DOK3: variants seen among roughly 807,000 people sequenced by gnomAD.
DOK3 encodes docking protein 3, also known as Dok-like protein.
Under a neutral mutation model 26.2 loss-of-function variants are expected in DOK3, and 23 were observed. The ratio of observed to expected loss-of-function variants is 0.88; its 90% CI spans 0.63 to 1.24. The LOEUF is 1.24. Ranked by LOEUF, DOK3 falls within the 50% of genes most tolerant of loss-of-function variation. DOK3 has a pLI of 0.00. For missense variants in DOK3, 619 were observed against 610.6 expected, an observed-to-expected ratio of 1.01 and a Z score of -0.15; for synonymous variants, 268 against 268.2, an observed-to-expected ratio of 1.00 and a Z score of 0.01.
chr5:177,502,806 A>G lies in DOK3; in HGVS notation c.*1177T>C. 1 of 520,002 alleles carries G rather than the reference A, an allele frequency of 1.9e-6. No individual in the cohort carries two copies. The highest frequency in any genetic ancestry group is 5.0e-4 in the Middle Eastern group (1 of 1,994). The allele number at this position is 520,002 out of a possible 1,614,324, so 32.2% of individuals were successfully genotyped here. A position where few individuals can be genotyped will look rare whatever the true frequency, so the allele number is the denominator to read the frequency against. On this transcript the variant is annotated 3_prime_UTR_variant, in exon 6 of 6. Coordinates refer to ENST00000510898, the MANE Select transcript of DOK3 (RefSeq NM_001308236.3). ...GGTCTGGGCTCGCCCAAGGCCGGGGACTTTGCCAGACCAGTAAGATGAAAC... is the reference window on the plus strand; with the variant it reads ...GGTCTGGGCTCGCCCAAGGCCGGGGGCTTTGCCAGACCAGTAAGATGAAAC...
At position 177,509,676 on chromosome 5, in the gene DOK3, G is replaced by A; in HGVS notation, c.-117-19C>T. 6.3e-7 allele frequency: 1 copy of A among 1,592,946 alleles called. No individual in the cohort carries two copies. Among genetic ancestry groups the A allele is most frequent in the South Asian group, 1.1e-5 (1 of 88,672 alleles). ...GAGACAGCTGCAGGCCGGGGGGAGG[G>A]GAGCCTGTCTTCAGCTCAGGGGCTG... On this transcript the variant is annotated intron_variant, in intron 1 of 5. Transcript: ENST00000510898.
At chr5:177,506,198 C>T (rs923233691) in intron 3 of DOK3, among the ~76,000 whole-genome samples, 12 of 152,188 alleles carry the variant, frequency 7.9e-5, no homozygotes, top group African/African-American at 1.7e-4. Context: ...AGGTGATCCA[C>T]GTGCTTCGGC....
At position 177,508,277 on chromosome 5, in the gene DOK3, C is replaced by T. The variant is rs763293316; in HGVS notation, c.332G>A (p.Arg111His). The T allele has an allele frequency of 1.2e-5, 19 of 1,555,190 alleles. No homozygotes were observed. Among genetic ancestry groups the T allele is most frequent in the Non-Finnish European group, 1.5e-5 (17 of 1,149,572 alleles). The change falls in exon 3 of 6, where the codon CGC becomes CAC. Residue 111 changes from arginine to histidine, a missense_variant. Physicochemically the swap from Arg to His is conservative, Grantham distance 29. Coordinates refer to ENST00000510898, the MANE Select transcript of DOK3 (RefSeq NM_001308236.3). The part of the protein sequence containing the change: ...ERSHLLAAQH[R>H]QAWMGPICQL... ...GCAGATGGGGCCCATCCAGGCCTGG[C>T]GGTGCTGAGCAGCCAGTAGATGGCT...
rs1219829378 is a variant in DOK3 at position 177,503,495 on chromosome 5, G to T, written c.*488C>A. The T allele has an allele frequency of 2.1e-6, 3 of 1,444,676 alleles. No individual in the cohort carries two copies. Among genetic ancestry groups the T allele is most frequent in the South Asian group, 2.9e-5 (2 of 67,838 alleles). 89.5% of individuals were successfully genotyped at this position (1,444,676 alleles called of 1,614,324 possible). Reference sequence around the variant, plus strand: ...CGCCCCCACTGCCTCCTCCCAGCTCGGGCCTCCGGGTCTCCAGTTGGGCCC... The same window carrying T: ...CGCCCCCACTGCCTCCTCCCAGCTCTGGCCTCCGGGTCTCCAGTTGGGCCC... On this transcript the variant is annotated 3_prime_UTR_variant, in exon 6 of 6. Coordinates refer to ENST00000510898, the MANE Select transcript of DOK3 (RefSeq NM_001308236.3).
chr5:177,509,696 G>A (rs569963355), intron 1 of DOK3, 39 bp from the exon 2 acceptor site: 1 of 1,604,018 alleles, frequency 6.2e-7, no homozygotes, highest in South Asian at 1.1e-5. Context: ...TTCAGCTCAG[G>A]GGCTGGGGGC....
rs144744026 is a variant in DOK3, at chr5:177,506,877, C to T, written c.372+1360G>A. Among the ~76,000 whole-genome samples, 941 of 148,468 alleles carry T rather than the reference C, an allele frequency of 6.3e-3. 10 individuals are homozygous for T. The highest frequency in any genetic ancestry group is 0.023 in the African/African-American group (915 of 40,288). On this transcript the variant is annotated intron_variant, in intron 3 of 5. Coordinates refer to ENST00000510898, the MANE Select transcript of DOK3 (RefSeq NM_001308236.3). ...GCTACTTCTGTATTTTTAGTAGAGACGGGGTTTCTCCATGTTGAGGCTGGT... is the reference window on the plus strand; with the variant it reads ...GCTACTTCTGTATTTTTAGTAGAGATGGGGTTTCTCCATGTTGAGGCTGGT...
rs181020343 is a variant in DOK3, at chr5:177,505,960, G to T, written c.373-850C>A. Reference sequence around the variant, plus strand: ...TCACCATGTTAGCCAGGATGATCTCGATCTCCTGACCTCATGATCCGCCTG... The same window carrying T: ...TCACCATGTTAGCCAGGATGATCTCTATCTCCTGACCTCATGATCCGCCTG... On this transcript the variant is annotated intron_variant, in intron 3 of 5. Transcript: ENST00000510898. Among the ~76,000 whole-genome samples, 32 of 151,254 alleles carry T rather than the reference G, an allele frequency of 2.1e-4. No homozygotes were observed. The East Asian group carries it at 6.2e-3, about 29-fold the overall frequency.
At chr5:177,509,923 C>T, upstream of DOK3, 4 of 1,585,162 alleles carry the variant, frequency 2.5e-6, no homozygotes, top group Non-Finnish European at 3.4e-6. Context: ...CTGGCCCTGC[C>T]TCCACCCAGG....
At chr5:177,509,888 C>T (rs1313108084), upstream of DOK3, 2 of 1,606,356 alleles carry the variant, frequency 1.2e-6, no homozygotes, top group African/African-American at 2.7e-5. Context: ...CCCCGGGCAG[C>T]TGCGCACCCT....
In DOK3 at chr5:177,504,128, A is replaced by G. The variant is rs1191500643; in HGVS notation, c.1178T>C (p.Leu393Pro). 4 of 1,613,704 alleles carry G rather than the reference A, an allele frequency of 2.5e-6. No homozygotes were observed. The highest frequency in any genetic ancestry group is 3.4e-6 in the Non-Finnish European group (4 of 1,179,864). Residue 393 changes from leucine (L) to proline (P), a missense_variant, in exon 6 of 6, where the codon CTG (leucine) becomes CCG (proline). Leu to Pro is a moderately conservative substitution (Grantham distance 98). Transcript: ENST00000510898. ...CAGCAGCCGCCGGTACTGGGCCTCC[A>G]GGGTACTGTCGTTGGCCGGGCCGGG... ...SWPGPANDSTLEAQYRRLLEL... is the reference protein window; with the variant it reads ...SWPGPANDSTPEAQYRRLLEL...
At chr5:177,510,103 T>C (rs760522687), upstream of DOK3, 1 of 607,982 alleles carries the variant, frequency 1.6e-6, no homozygotes, top group Non-Finnish European at 2.9e-6. Flanking sequence ...CAGGGGCCAC[T>C]GCCCCACTGG....
rs1759616179 is a variant in DOK3 at position 177,503,748 on chromosome 5, T to G, written c.*235A>C. On this transcript the variant is annotated 3_prime_UTR_variant, in exon 6 of 6. Coordinates refer to ENST00000510898, the MANE Select transcript of DOK3 (RefSeq NM_001308236.3). ...GCCGCAATGAACGTGGGCAGGGGCG[T>G]GTGCCGTGAGTGCCCCTGCCGGGAG... The G allele has an allele frequency of 7.1e-7, 1 of 1,415,368 alleles. No individual in the cohort carries two copies. Among genetic ancestry groups the G allele is most frequent in the Non-Finnish European group, 9.2e-7 (1 of 1,089,902 alleles). 87.7% of individuals were successfully genotyped at this position (1,415,368 alleles called of 1,614,324 possible).
At chr5:177,510,177 C>T (rs1195097051), upstream of DOK3, 3 of 490,352 alleles carry the variant, frequency 6.1e-6, no homozygotes, top group Non-Finnish European at 1.1e-5. Flanking sequence ...GGGGTGCAGC[C>T]CAGGCTCCTC....
chr5:177,509,984 C>T (rs569845701), upstream of DOK3: 35 of 1,163,940 alleles, frequency 3.0e-5, no homozygotes, highest in Admixed American at 2.6e-4. Flanking sequence ...CTGGTTTGAG[C>T]GCCTCACCCC....
rs764655251 is a variant in DOK3 at position 177,504,726 on chromosome 5, C to A, written c.645+17G>T. 2.5e-6 allele frequency: 4 copies of A among 1,613,974 alleles called. No homozygotes were observed. The highest frequency in any genetic ancestry group is 1.7e-5 in the Admixed American group (1 of 60,014). Reference sequence around the variant, plus strand: ...CAGGGTGTCAGCCCCTCACCCTTTCCCACCCCTGCACCTCACCTTGTCGGA... The same window carrying A: ...CAGGGTGTCAGCCCCTCACCCTTTCACACCCCTGCACCTCACCTTGTCGGA... On this transcript the variant is annotated intron_variant, in intron 5 of 5. Transcript: ENST00000510898.
upstream of DOK3, chr5:177,510,647 C>G (rs1373706879): frequency 6.6e-6 from 1 of 152,370 alleles, no homozygotes; most frequent in Non-Finnish European, 1.5e-5. Flanking sequence ...GGAAATATGT[C>G]CTGAAGGCCT....
rs368570558 is a variant in DOK3 at position 177,509,601 on chromosome 5, CG to C, written c.-62del. ...CTGGGGAGACTGATGACAGGCTGGA[CG>C]GGAACTCCTCACACTTCCCCTTCTG... On this transcript the variant is annotated 5_prime_UTR_variant, in exon 2 of 6. Transcript: ENST00000510898. 1,518 of 1,602,492 alleles carry C rather than the reference CG, an allele frequency of 9.5e-4. 11 individuals are homozygous for C. The African/African-American group carries it at 0.017, about 18-fold the overall frequency.
At chr5:177,505,321 G>A (rs1035005401) in intron 3 of DOK3, among the ~76,000 whole-genome samples, 2 of 152,150 alleles carry the variant, frequency 1.3e-5, no homozygotes, top group Admixed American at 6.5e-5. Context: ...TGGGCAAGAG[G>A]CACTGTGCTT....
chr5:177,507,183 CTT>C (rs1428886731), intron 3 of DOK3, among the ~76,000 whole-genome samples: 1 of 151,372 alleles, frequency 6.6e-6, no homozygotes, highest in Non-Finnish European at 1.5e-5. Flanking sequence ...TTTCTTTCTT[CTT>C]TTCTTTTTTT....
Sources: gnomAD v4.1 joint callset for allele counts (sites outside exome capture counted in the v4.1 genomes callset) on GRCh38, gnomAD v4.1.1 for gene constraint, MANE v1.5 for transcripts, NCBI Gene and HGNC (gene_info 2026-07-23, HGNC 2026-07-21) for gene names.